The following SLC22A3 variants were observed in gnomAD, a reference collection of about 807,000 sequenced individuals.
SLC22A3 encodes solute carrier family 22 member 3.
Under a neutral mutation model 59.1 loss-of-function variants are expected in SLC22A3, and 51 were observed. The ratio of observed to expected loss-of-function variants is 0.86; its 90% confidence interval spans 0.69 to 1.09. SLC22A3 has a LOEUF of 1.09. Ranked by LOEUF, SLC22A3 falls within the 50% of genes least tolerant of loss-of-function variation. The pLI is 0.00. For missense variants in SLC22A3, 711 were observed against 726.3 expected (o/e 0.98, Z 0.24); for synonymous variants, 325 against 292.0 (o/e 1.11, Z -1.15).
At chr6:160,418,041 TGATTG>T (rs1196548393) in intron 5 of SLC22A3, among the ~76,000 whole-genome samples, 1 of 152,136 alleles carries the variant, frequency 6.6e-6, no homozygotes, top group Non-Finnish European at 1.5e-5. Context: ...AGTGTCAACT[TGATTG>T]GATTGAAGGA....
chr6:160,366,029 T>A (rs1237196035), intron 1 of SLC22A3, among the ~76,000 whole-genome samples: 1 of 152,044 alleles, frequency 6.6e-6, no homozygotes, highest in African/African-American at 2.4e-5. Flanking sequence ...CCATGACACA[T>A]GGGGATTATG....
At chr6:160,357,445 G>A (rs1028353468) in intron 1 of SLC22A3, among the ~76,000 whole-genome samples, 1 of 152,188 alleles carries the variant, frequency 6.6e-6, no homozygotes, top group Admixed American at 6.5e-5. Context: ...GACAACATGT[G>A]TGCTTCCAGG....
At chr6:160,387,476 C>T (rs138513717) in intron 1 of SLC22A3, among the ~76,000 whole-genome samples, 31 of 152,290 alleles carry the variant, frequency 2.0e-4, no homozygotes, top group African/African-American at 7.0e-4. Flanking sequence ...CATGTAGACC[C>T]AATCTCAGCT....
At chr6:160,433,393 T>C (rs547612458) in intron 5 of SLC22A3, among the ~76,000 whole-genome samples, 10 of 152,260 alleles carry the variant, frequency 6.6e-5, no homozygotes, top group African/African-American at 2.4e-4. Context: ...TGTTTAAATG[T>C]CAAATTAGGC....
At chr6:160,353,450 G>T (rs566267383) in intron 1 of SLC22A3, among the ~76,000 whole-genome samples, 1 of 152,282 alleles carries the variant, frequency 6.6e-6, no homozygotes, top group South Asian at 2.1e-4. Context: ...AGGGAAAATT[G>T]CAGCGATAAT....
chr6:160,444,946 C>T (rs1788686198), intron 9 of SLC22A3, among the ~76,000 whole-genome samples: 1 of 152,172 alleles, frequency 6.6e-6, no homozygotes, highest in South Asian at 2.1e-4. Context: ...GGTCATCAAG[C>T]TGAGTGTTAA....
intron 1 of SLC22A3, among the ~76,000 whole-genome samples, chr6:160,379,757 C>A (rs544135295): frequency 6.6e-6 from 1 of 152,276 alleles, no homozygotes; most frequent in East Asian, 1.9e-4. Context: ...CTTACCTGTG[C>A]TCACAAGTCA....
intron 2 of SLC22A3, among the ~76,000 whole-genome samples, chr6:160,401,756 T>TA (rs2114841277): frequency 6.6e-6 from 1 of 152,104 alleles, no homozygotes; most frequent in African/African-American, 2.4e-5. Flanking sequence ...TGTTATAAGG[T>TA]ACTCATACTA....
At chr6:160,378,606 G>T (rs1229569800) in intron 1 of SLC22A3, among the ~76,000 whole-genome samples, 1 of 152,108 alleles carries the variant, frequency 6.6e-6, no homozygotes, top group African/African-American at 2.4e-5. Flanking sequence ...ATATATAGAG[G>T]CTCCTCGACT....
chr6:160,410,989 T>C (rs1006893156), intron 5 of SLC22A3, 143 bp downstream of exon 5: 1 of 456,472 alleles, frequency 2.2e-6, no homozygotes, highest in Non-Finnish European at 3.9e-6. Flanking sequence ...TATATATGTA[T>C]ACACACACAC....
chr6:160,424,501 C>CT (rs1398448066), intron 5 of SLC22A3, among the ~76,000 whole-genome samples: 1 of 152,154 alleles, frequency 6.6e-6, no homozygotes, highest in Non-Finnish European at 1.5e-5. Context: ...GTGTCTCTAC[C>CT]TGTTGCTGAG....
intron 1 of SLC22A3, among the ~76,000 whole-genome samples, chr6:160,368,921 AC>A (rs1785300752): frequency 4.6e-5 from 7 of 152,140 alleles, no homozygotes. Flanking sequence ...AAAGCCAAAC[AC>A]ATTTAACAGA....
rs370704625 is a variant in SLC22A3, at chr6:160,368,534, C to T, written c.429+19686C>T. Among the ~76,000 whole-genome samples the T allele has an allele frequency of 1.1e-4, 16 of 152,286 alleles. 2 individuals are homozygous for T. The highest frequency in any genetic ancestry group is 3.9e-4 in the African/African-American group (16 of 41,544). On this transcript the variant is annotated intron_variant, in intron 1 of 10. Coordinates refer to ENST00000275300, the MANE Select transcript of SLC22A3 (RefSeq NM_021977.4). ...GCTATTTAAAGCAGTGTCCCTTATC[C>T]CTGTGTTCCTCTGCAGCTGAGCACC...
chr6:160,438,683 C>T (rs1397934198), intron 7 of SLC22A3, among the ~76,000 whole-genome samples: 1 of 152,024 alleles, frequency 6.6e-6, no homozygotes, highest in East Asian at 1.9e-4. Context: ...CACCTATTTA[C>T]ATTTCTCTTG....
intron 1 of SLC22A3, among the ~76,000 whole-genome samples, chr6:160,350,251 T>G (rs1471967165): frequency 6.6e-6 from 1 of 152,158 alleles, no homozygotes; most frequent in African/African-American, 2.4e-5. Flanking sequence ...TGTGTATGTG[T>G]GTTCAGGGTG....
intron 1 of SLC22A3, among the ~76,000 whole-genome samples, chr6:160,351,713 A>C (rs77719646): frequency 2.0e-5 from 3 of 152,348 alleles, no homozygotes; most frequent in Non-Finnish European, 2.9e-5. Flanking sequence ...GGGAGAGTTT[A>C]CAAAGTGGGC....
intron 1 of SLC22A3, among the ~76,000 whole-genome samples, chr6:160,378,376 G>T (rs1785672835): frequency 6.6e-6 from 1 of 152,098 alleles, no homozygotes; most frequent in Non-Finnish European, 1.5e-5. Context: ...GTCATAAGAG[G>T]GTGTTCTTAT....
At chr6:160,450,343 G>A (rs1317499565) in intron 10 of SLC22A3, among the ~76,000 whole-genome samples, 4 of 152,134 alleles carry the variant, frequency 2.6e-5, no homozygotes, top group Admixed American at 6.5e-5. Context: ...TAGGCTCTCT[G>A]CAAGAAGAAA....
At chr6:160,442,891 G>A (rs144088841) in intron 8 of SLC22A3, 22 bp downstream of exon 8, 1 of 1,560,818 alleles carries the variant, frequency 6.4e-7, no homozygotes, top group South Asian at 1.1e-5. Flanking sequence ...AAACGTTATA[G>A]TTTCTCCTAA....
Sources: allele counts gnomAD v4.1 joint callset (sites outside exome capture counted in the v4.1 genomes callset), GRCh38; gene constraint gnomAD v4.1.1; transcripts MANE v1.5; gene names NCBI Gene and HGNC (gene_info 2026-07-23, HGNC 2026-07-21).